Variants in INPP4A observed in about 807,000 individuals in gnomAD.
The protein encoded by INPP4A is inositol polyphosphate-4-phosphatase, type I, 107kD.
INPP4A carries 33 observed loss-of-function variants against 119.8 expected under a neutral mutation model. The ratio of observed to expected loss-of-function variants is 0.28; its 90% CI spans 0.21 to 0.37. INPP4A has a LOEUF of 0.37. INPP4A is among the 10% of genes least tolerant of loss of function. The probability of loss-of-function intolerance (pLI) is 1.00; values close to 1 mark genes in which losing one functional copy is unlikely to be tolerated. For synonymous variants in INPP4A, 496 were observed against 500.7 expected (o/e 0.99, Z 0.12); for missense variants, 956 against 1,289.9 (o/e 0.74, Z 3.97).
intron 7 of INPP4A, 106 bp from the exon 8 acceptor site, chr2:98,537,757 T>A: frequency 1.2e-6 from 1 of 809,928 alleles, no homozygotes; most frequent in Non-Finnish European, 2.1e-6. Context: ...AGCTCGGCCC[T>A]GCTGCCCCCA....
intron 1 of INPP4A, among the ~76,000 whole-genome samples, chr2:98,445,965 A>G (rs1694109724): frequency 6.6e-6 from 1 of 152,232 alleles, no homozygotes; most frequent in South Asian, 2.1e-4. Context: ...CCCTCAGGGC[A>G]TTTAAACCAA....
chr2:98,504,627 C>T (rs1683706803), intron 1 of INPP4A, among the ~76,000 whole-genome samples: 1 of 152,220 alleles, frequency 6.6e-6, no homozygotes, highest in Non-Finnish European at 1.5e-5. Flanking sequence ...TTTCATTGAT[C>T]TGTGATGGTT....
intron 23 of INPP4A, among the ~76,000 whole-genome samples, chr2:98,576,029 G>A (rs894491562): frequency 2.0e-5 from 3 of 152,134 alleles, no homozygotes; most frequent in Non-Finnish European, 2.9e-5. Context: ...TAACATCCCC[G>A]GGGGAGCCTG....
At chr2:98,555,903 A>G (rs1203498970) in intron 16 of INPP4A, 95 bp downstream of exon 16, 6 of 1,359,212 alleles carry the variant, frequency 4.4e-6, no homozygotes. Flanking sequence ...CTCCTCCCCC[A>G]TGCAGACTGC....
At chr2:98,565,576 T>A (rs1454335447) in intron 19 of INPP4A, 64 bp from the exon 20 acceptor site, 1 of 1,533,506 alleles carries the variant, frequency 6.5e-7, no homozygotes, top group African/African-American at 1.4e-5. Context: ...GGCTGCCTTC[T>A]GCTGAGACTG....
At chr2:98,511,062 C>T (rs72821930) in intron 1 of INPP4A, among the ~76,000 whole-genome samples, 41,645 of 151,600 alleles carry the variant, frequency 0.27, 5,762 homozygotes, top group Middle Eastern at 0.35. Context: ...GTGCTTGATT[C>T]AATTTTTTTT....
At chr2:98,495,062 CAT>C (rs1681659138) in intron 1 of INPP4A, among the ~76,000 whole-genome samples, 1 of 152,114 alleles carries the variant, frequency 6.6e-6, no homozygotes, top group Non-Finnish European at 1.5e-5. Context: ...CCAGCCAAGT[CAT>C]TGAAAAAATA....
rs191410458 is a variant in INPP4A at position 98,594,023 on chromosome 2, G to C, written c.*6415G>C. On this transcript the variant is annotated 3_prime_UTR_variant, in exon 25 of 25. Coordinates refer to ENST00000409851, the MANE Select transcript of INPP4A (RefSeq NM_001134225.2). Reference sequence around the variant, plus strand: ...ATTCACAAGAGCAAGTGTAATGCCCGCTGTGAAGGAGCTAAAGTTTGTTGA... The same window carrying C: ...ATTCACAAGAGCAAGTGTAATGCCCCCTGTGAAGGAGCTAAAGTTTGTTGA... The C allele has an allele frequency of 6.6e-6, 1 of 152,192 alleles. No individual in the cohort carries two copies. Among genetic ancestry groups the C allele is most frequent in the Non-Finnish European group, 1.5e-5 (1 of 68,038 alleles). The allele number at this position is 152,192 out of a possible 1,614,324, so 9.4% of individuals were successfully genotyped here. A position where few individuals can be genotyped will look rare whatever the true frequency, so the allele number is the denominator to read the frequency against.
chr2:98,514,049 C>T (rs57965886), intron 1 of INPP4A, among the ~76,000 whole-genome samples: 10,329 of 152,206 alleles, frequency 0.068, 1,071 homozygotes, highest in African/African-American at 0.23. Flanking sequence ...CCCATGGAAA[C>T]GGAGGCTGGT....
At chr2:98,549,040 C>G (rs1693001606) in intron 13 of INPP4A, 1 of 1,432,672 alleles carries the variant, frequency 7.0e-7, no homozygotes, top group Admixed American at 1.9e-5. Context: ...TTGTGCCATC[C>G]CCACACCTCC....
At chr2:98,476,844 A>T (rs981385571) in intron 1 of INPP4A, among the ~76,000 whole-genome samples, 1 of 152,256 alleles carries the variant, frequency 6.6e-6, no homozygotes, top group South Asian at 2.1e-4. Context: ...AACAGTAATT[A>T]ACCTTCTTCA....
chr2:98,517,850 A>C (rs926790803), intron 1 of INPP4A, among the ~76,000 whole-genome samples: 22 of 152,200 alleles, frequency 1.4e-4, no homozygotes, highest in African/African-American at 5.3e-4. Context: ...GGCTTTCTGA[A>C]TGTTTGAACT....
rs1246074199 is a variant in INPP4A at position 98,554,340 on chromosome 2, C to T, written c.1417C>T (p.Arg473Trp). The T allele has an allele frequency of 5.6e-6, 9 of 1,613,248 alleles. No homozygotes were observed. The highest frequency in any genetic ancestry group is 1.1e-5 in the South Asian group (1 of 90,806). ...ANSIHGLNAA[R>W]PDYIASKASP... ...CTCCATCCATGGGCTGAACGCTGCACGGCCTGACTACATTGCCTCCAAGGC... is the reference window on the plus strand; with the variant it reads ...CTCCATCCATGGGCTGAACGCTGCATGGCCTGACTACATTGCCTCCAAGGC... Residue 473 changes from arginine to tryptophan, a missense_variant, in exon 15 of 25, where the codon CGG (arginine) becomes TGG (tryptophan). Around this residue, in one of 2 missense-constraint regions of INPP4A, gnomAD observed 652 missense variants for 797.9 expected, o/e 0.82. Coordinates refer to ENST00000409851, the MANE Select transcript of INPP4A (RefSeq NM_001134225.2). This position sits in a 1 kb window ranked among gnomAD's most constrained non-coding sequence, Gnocchi z 4.7.
At chr2:98,508,647 G>A (rs1211221228) in intron 1 of INPP4A, among the ~76,000 whole-genome samples, 1 of 152,194 alleles carries the variant, frequency 6.6e-6, no homozygotes, top group Non-Finnish European at 1.5e-5. Context: ...ACGCTGGAAG[G>A]ACTTCCTGGA....
At chr2:98,464,359 A>G (rs908691011) in intron 1 of INPP4A, among the ~76,000 whole-genome samples, 8 of 152,176 alleles carry the variant, frequency 5.3e-5, no homozygotes, top group Non-Finnish European at 1.0e-4. Flanking sequence ...ATTATTGCAC[A>G]TGGTGGGTTT....
intron 10 of INPP4A, among the ~76,000 whole-genome samples, 179 bp from the exon 11 acceptor site, chr2:98,543,698 T>C (rs1029159167): frequency 6.6e-6 from 1 of 152,256 alleles, no homozygotes; most frequent in African/African-American, 2.4e-5. Flanking sequence ...TTCATGTAGC[T>C]GTCTGTCCTC....
intron 4 of INPP4A, among the ~76,000 whole-genome samples, chr2:98,529,778 C>CT (rs1688861743): frequency 6.6e-6 from 1 of 151,946 alleles, no homozygotes; most frequent in Non-Finnish European, 1.5e-5. Context: ...GAATTGTGTA[C>CT]TTTAAGAGGG....
chr2:98,459,461 G>A (rs954929252), intron 1 of INPP4A, among the ~76,000 whole-genome samples: 6 of 152,324 alleles, frequency 3.9e-5, no homozygotes, highest in African/African-American at 1.4e-4. Context: ...TGTTTGGGAG[G>A]CCCTCTTACC....
At chr2:98,488,500 C>A (rs1026705470) in intron 1 of INPP4A, among the ~76,000 whole-genome samples, 1 of 152,158 alleles carries the variant, frequency 6.6e-6, no homozygotes, top group Non-Finnish European at 1.5e-5. Context: ...GAGTTCTGTA[C>A]CCGAAATTGT....
Sources: gnomAD v4.1 joint callset for allele counts (sites outside exome capture counted in the v4.1 genomes callset) on GRCh38, gnomAD v4.1.1 for gene constraint, gnomAD v4.1.1 regional missense constraint, Gnocchi (gnomAD v3.1) non-coding constraint, MANE v1.5 for transcripts, NCBI Gene and HGNC (gene_info 2026-07-23, HGNC 2026-07-21) for gene names.